DNAH6: variants seen among roughly 807,000 people sequenced by gnomAD.
DNAH6 encodes the protein axonemal beta dynein heavy chain 6.
In DNAH6, 340 loss-of-function variants were observed where a neutral mutation model predicts 491.4. That is an observed-to-expected ratio of 0.69 (90% confidence interval 0.63 to 0.76). The LOEUF is 0.76. Among genes scored for constraint, DNAH6 ranks in the 30% least tolerant of loss-of-function variants. The pLI is 0.00. For missense variants in DNAH6, 4,443 were observed against 4,972.2 expected, an observed-to-expected ratio of 0.89 and a Z score of 3.20; for synonymous variants, 1,603 against 1,686.1, an observed-to-expected ratio of 0.95 and a Z score of 1.21.
intron 19 of DNAH6, among the ~76,000 whole-genome samples, chr2:84,605,070 A>C (rs555495756): frequency 2.6e-5 from 4 of 152,280 alleles, no homozygotes; most frequent in African/African-American, 9.6e-5. Context: ...AGGGCAGGCC[A>C]GGCGTGGTGG....
intron 59 of DNAH6, among the ~76,000 whole-genome samples, chr2:84,722,067 A>T (rs891608347): frequency 1.3e-5 from 2 of 152,176 alleles, no homozygotes; most frequent in African/African-American, 4.8e-5. Flanking sequence ...TCGCTAACTC[A>T]TTTGGGGTTA....
At chr2:84,669,088 A>G (rs1043180302) in intron 37 of DNAH6, among the ~76,000 whole-genome samples, 1 of 152,194 alleles carries the variant, frequency 6.6e-6, no homozygotes, top group East Asian at 1.9e-4. Flanking sequence ...GGTATAACAG[A>G]TATTTCCATG....
chr2:84,482,494 T>C, the DNAH6 span, among the ~76,000 whole-genome samples: 2 of 152,214 alleles, frequency 1.3e-5, no homozygotes, highest in South Asian at 4.1e-4. Flanking sequence ...TTTAAAAAGA[T>C]AGACCAAGAG....
intron 62 of DNAH6, among the ~76,000 whole-genome samples, chr2:84,741,879 A>G (rs1022414934): frequency 1.3e-5 from 2 of 152,236 alleles, no homozygotes; most frequent in Admixed American, 6.5e-5. Context: ...TAGTGGGTCA[A>G]GGGTTTCTCC....
At chr2:84,492,269 G>A in the DNAH6 span, among the ~76,000 whole-genome samples, 14 of 152,304 alleles carry the variant, frequency 9.2e-5, no homozygotes, top group South Asian at 2.9e-3. Context: ...TGTGCCTACT[G>A]TCCCTTAGAG....
At chr2:84,689,899 T>A (rs151232592) in intron 45 of DNAH6, among the ~76,000 whole-genome samples, 11 of 152,334 alleles carry the variant, frequency 7.2e-5, no homozygotes, top group African/African-American at 2.4e-4. Flanking sequence ...ACTTTTTTCA[T>A]AACAGCTCTC....
intron 43 of DNAH6, among the ~76,000 whole-genome samples, chr2:84,686,219 G>C (rs571934915): frequency 1.0e-4 from 15 of 149,600 alleles, no homozygotes; most frequent in African/African-American, 1.5e-4. Flanking sequence ...TAATTTTAAA[G>C]TACTTCTTAT....
chr2:84,639,488 G>A (rs545426710), intron 31 of DNAH6, among the ~76,000 whole-genome samples: 11 of 146,488 alleles, frequency 7.5e-5, no homozygotes, highest in African/African-American at 2.5e-4. Context: ...GCACGATCTC[G>A]GCTCACTGCA....
intron 68 of DNAH6, among the ~76,000 whole-genome samples, chr2:84,790,250 A>G (rs59944488): frequency 0.025 from 3,788 of 152,312 alleles, 131 homozygotes; most frequent in African/African-American, 0.082. Context: ...CCATACACAA[A>G]AATTAATTCA....
chr2:84,739,723 A>G (rs990042744), intron 62 of DNAH6, among the ~76,000 whole-genome samples: 1 of 151,924 alleles, frequency 6.6e-6, no homozygotes, highest in African/African-American at 2.4e-5. Context: ...TAATATAGCT[A>G]TGTTGTCTTT....
At chr2:84,806,969 G>T (rs1418741000) in intron 71 of DNAH6, among the ~76,000 whole-genome samples, 4 of 152,198 alleles carry the variant, frequency 2.6e-5, no homozygotes, top group Admixed American at 1.3e-4. Context: ...GTTGGGAAAA[G>T]GATGGAGAGA....
At chr2:84,665,956 T>A (rs1215538409) in intron 37 of DNAH6, among the ~76,000 whole-genome samples, 1 of 152,012 alleles carries the variant, frequency 6.6e-6, no homozygotes, top group East Asian at 1.9e-4. Flanking sequence ...CATACACAAA[T>A]CAATAAACGT....
At chr2:84,558,631 C>T (rs542219509) in intron 11 of DNAH6, among the ~76,000 whole-genome samples, 1 of 152,148 alleles carries the variant, frequency 6.6e-6, no homozygotes, top group East Asian at 1.9e-4. Flanking sequence ...TTTGTTAAAA[C>T]AAAAACATGG....
At chr2:84,693,701 A>G (rs140426070) in intron 45 of DNAH6, among the ~76,000 whole-genome samples, 5,606 of 151,426 alleles carry the variant, frequency 0.037, 120 homozygotes, top group Middle Eastern at 0.092. Context: ...ACACCACTGC[A>G]TTCCAGCCTG....
the DNAH6 span, among the ~76,000 whole-genome samples, chr2:84,488,674 C>T: frequency 1.3e-5 from 2 of 152,138 alleles, no homozygotes; most frequent in Non-Finnish European, 2.9e-5. Flanking sequence ...ATTGGGCCCG[C>T]CTGAATAATC....
At chr2:84,793,590 T>A (rs982862842) in intron 68 of DNAH6, among the ~76,000 whole-genome samples, 2 of 152,184 alleles carry the variant, frequency 1.3e-5, no homozygotes, top group Non-Finnish European at 2.9e-5. Flanking sequence ...CCATATTAGA[T>A]GGACCCACGA....
chr2:84,645,530 T>C (rs545257905), intron 33 of DNAH6, among the ~76,000 whole-genome samples: 8 of 152,350 alleles, frequency 5.3e-5, no homozygotes, highest in Admixed American at 1.3e-4. Flanking sequence ...TTTTTTCATA[T>C]GTTTGTTGGC....
chr2:84,599,665 G>A (rs1685031458), intron 18 of DNAH6, among the ~76,000 whole-genome samples: 1 of 150,184 alleles, frequency 6.7e-6, no homozygotes, highest in Non-Finnish European at 1.5e-5. Context: ...TTTGCCAAAA[G>A]TCAATTGACT....
intron 18 of DNAH6, among the ~76,000 whole-genome samples, chr2:84,601,044 A>ATTTG (rs1685183151): frequency 6.8e-6 from 1 of 148,076 alleles, no homozygotes; most frequent in African/African-American, 2.5e-5. Flanking sequence ...TTATACTATA[A>ATTTG]TAATAATGTT....
Sources: gnomAD v4.1 joint callset for allele counts (sites outside exome capture counted in the v4.1 genomes callset) on GRCh38, gnomAD v4.1.1 for gene constraint, MANE v1.5 for transcripts, NCBI Gene and HGNC (gene_info 2026-07-23, HGNC 2026-07-21) for gene names.